The following TRIM26 variants were observed in gnomAD, a reference collection of about 807,000 sequenced individuals.
TRIM26 encodes the protein tripartite motif containing 26.
Under a neutral mutation model 45.5 loss-of-function variants are expected in TRIM26, and 16 were observed. That is an observed-to-expected ratio of 0.35 (90% confidence interval 0.24 to 0.53). The LOEUF (loss-of-function observed/expected upper bound fraction) is 0.53, where lower values mean the gene tolerates loss of function less well. Among genes scored for constraint, TRIM26 ranks in the 20% least tolerant of loss-of-function variants. TRIM26 has a pLI of 0.92. For synonymous variants in TRIM26, 273 were observed against 290.4 expected (o/e 0.94, Z 0.61); for missense variants, 442 against 691.1 (o/e 0.64, Z 4.04).
chr6:30,200,060 G>A lies in TRIM26; in HGVS notation c.-161-796C>T, dbSNP rs1039379930. The stretch of plus-strand genomic sequence containing the variant: ...CTGAGGCAGGAGGATCACTTGAACC[G>A]AGGAGTTTGAAACCAGCCTCAGCAA... On this transcript the variant is annotated intron_variant, in intron 3 of 9. Coordinates refer to ENST00000454678, the MANE Select transcript of TRIM26 (RefSeq NM_003449.5). 1.1e-4 allele frequency among the ~76,000 whole-genome samples: 16 copies of A among 152,204 alleles called. 1 individual carries two copies. Among genetic ancestry groups the A allele is most frequent in the South Asian group, 6.2e-4 (3 of 4,820 alleles).
At position 30,198,968 on chromosome 6, in the gene TRIM26, T is replaced by C. The variant is rs772134982; in HGVS notation, c.136A>G (p.Ile46Val). ...CRSCTTDVRPISGSRPVCPLC... is the reference protein window; with the variant it reads ...CRSCTTDVRPVSGSRPVCPLC... The stretch of plus-strand genomic sequence containing the variant: ...GGGCAGACGGGGCGGCTCCCTGAGA[T>C]GGGGCGGACGTCTGTGGTGCAGCTG... Residue 46 changes from isoleucine (I) to valine (V), a missense_variant, in exon 4 of 10, where the codon ATC becomes GTC. Ile to Val is a conservative substitution (Grantham distance 29). Transcript: ENST00000454678. This position sits in a 1 kb window ranked among gnomAD's most constrained non-coding sequence, Gnocchi z 6.3. 82 of 1,612,542 alleles carry C rather than the reference T, an allele frequency of 5.1e-5. 1 individual carries two copies. The highest frequency in any genetic ancestry group is 6.7e-5 in the Non-Finnish European group (79 of 1,179,854).
Position 30,190,032 on chromosome 6 carries a change from T to A in TRIM26, c.769A>T (p.Thr257Ser), listed in dbSNP as rs1006585139. 6.2e-7 allele frequency: 1 copy of A among 1,612,992 alleles called. No homozygotes were observed. Among genetic ancestry groups the A allele is most frequent in the Non-Finnish European group, 8.5e-7 (1 of 1,179,962 alleles). Residue 257 changes from threonine (T) to serine (S), a missense_variant, in exon 7 of 10, where the codon ACG becomes TCG. Transcript: ENST00000454678. The surrounding 1 kb of genome is among the most constrained non-coding windows in gnomAD (Gnocchi z 4.3). Reference protein sequence around the residue: ...QQPAAELMQDTRDFLNRYPRK... With the variant: ...QQPAAELMQDSRDFLNRYPRK... ...TTTTACCTGTTTAGGAAGTCTCTCG[T>A]GTCCTAGAAGGGAAAGAAAAAAGCA...
Position 30,196,478 on chromosome 6 carries a change from C to T in TRIM26, c.765+38G>A, listed in dbSNP as rs1776470493. On this transcript the variant is annotated intron_variant, in intron 6 of 9. Coordinates refer to ENST00000454678, the MANE Select transcript of TRIM26 (RefSeq NM_003449.5). The surrounding 1 kb of genome is among the most constrained non-coding windows in gnomAD (Gnocchi z 4.9). ...GAATGGCAGGGCTGGGACCCACCGT[C>T]CTGGTCCCTGGCGCCCTGCCCAGGG... 3 of 1,589,026 alleles carry T rather than the reference C, an allele frequency of 1.9e-6. No individual in the cohort carries two copies. The highest frequency in any genetic ancestry group is 1.3e-5 in the African/African-American group (1 of 74,640).
rs752576259 is a variant in TRIM26, at chr6:30,198,798, G to A, written c.306C>T (p.Cys102=). Residue 102 remains cysteine (C), a synonymous_variant, in exon 4 of 10, where the codon TGC becomes TGT. Coordinates refer to ENST00000454678, the MANE Select transcript of TRIM26 (RefSeq NM_003449.5). This position sits in a 1 kb window ranked among gnomAD's most constrained non-coding sequence, Gnocchi z 6.3. ...AGTGCAGCTTCTCTCGGTGTCGCTC[G>A]CACAACTTTGCATCCTGCTGCTCCC... ...VTREQQDAKL[C]ERHREKLHYY... 1.4e-5 allele frequency: 23 copies of A among 1,608,198 alleles called. No homozygotes were observed. In the East Asian group the frequency reaches 3.8e-4, roughly 27 times the overall value.
chr6:30,208,317 G>A (rs1409635079), intron 1 of TRIM26, among the ~76,000 whole-genome samples: 2 of 152,100 alleles, frequency 1.3e-5, no homozygotes, highest in Non-Finnish European at 2.9e-5. Flanking sequence ...GCAAATCATC[G>A]TATCCAAGGT....
chr6:30,210,778 A>G (rs1016062212), intron 1 of TRIM26, among the ~76,000 whole-genome samples: 1 of 152,132 alleles, frequency 6.6e-6, no homozygotes, highest in Non-Finnish European at 1.5e-5. Context: ...TCTCTCTCAA[A>G]CTATCTTGTA....
intron 1 of TRIM26, among the ~76,000 whole-genome samples, chr6:30,205,197 C>T (rs371411245): frequency 7.2e-5 from 11 of 152,080 alleles, no homozygotes; most frequent in South Asian, 2.1e-4. Context: ...GCTGAGATCA[C>T]GCCAATTGCA....
chr6:30,195,242 T>C (rs566725564), intron 6 of TRIM26, among the ~76,000 whole-genome samples: 184 of 152,186 alleles, frequency 1.2e-3, no homozygotes, highest in African/African-American at 1.5e-3. Context: ...CATTCACACA[T>C]GGCAGGGGCG....
chr6:30,194,980 A>C (rs1282931305), intron 6 of TRIM26, among the ~76,000 whole-genome samples: 1 of 152,138 alleles, frequency 6.6e-6, no homozygotes, highest in African/African-American at 2.4e-5. Context: ...ACAAAACAAA[A>C]AAAGAAACCT....
intron 1 of TRIM26, among the ~76,000 whole-genome samples, chr6:30,212,228 T>G (rs1197382681): frequency 6.6e-6 from 1 of 152,322 alleles, no homozygotes; most frequent in East Asian, 1.9e-4. Flanking sequence ...ACCAGTATTC[T>G]TCAATGCTGT....
At chr6:30,210,067 T>C (rs940061253) in intron 1 of TRIM26, among the ~76,000 whole-genome samples, 6 of 151,874 alleles carry the variant, frequency 4.0e-5, no homozygotes, top group African/African-American at 1.5e-4. Flanking sequence ...TAGCCGGGCA[T>C]GGTGGCACGC....
chr6:30,186,652 TA>T lies in TRIM26; in HGVS notation c.938-95del. 7.2e-7 allele frequency: 1 copy of T among 1,392,116 alleles called. No individual in the cohort carries two copies. Among genetic ancestry groups the T allele is most frequent in the Non-Finnish European group, 9.5e-7 (1 of 1,057,156 alleles). 86.2% of individuals were successfully genotyped at this position (1,392,116 alleles called of 1,614,324 possible). A position where few individuals can be genotyped will look rare whatever the true frequency, so the allele number is the denominator to read the frequency against. On this transcript the variant is annotated intron_variant, in intron 9 of 9. Transcript: ENST00000454678. The surrounding 1 kb of genome is among the most constrained non-coding windows in gnomAD (Gnocchi z 7.4). ...TAAAATTTATTTTGGCAGATAGCGT[TA>T]AACAAAATTAAAGTTGCATACATTA...
Position 30,191,404 on chromosome 6 carries a change from T to TAA in TRIM26, c.766-1371_766-1370dup, listed in dbSNP as rs5875241. Among the ~76,000 whole-genome samples the TAA allele has an allele frequency of 2.8e-4, 35 of 127,264 alleles. No homozygotes were observed. In the South Asian group the frequency reaches 3.4e-3, roughly 12 times the overall value. The allele number at this position is 127,264 out of a possible 152,430, so 83.5% of individuals were successfully genotyped here. A position where few individuals can be genotyped will look rare whatever the true frequency, so the allele number is the denominator to read the frequency against. On this transcript the variant is annotated intron_variant, in intron 6 of 9. Transcript: ENST00000454678. Reference sequence around the variant, plus strand: ...ACTCATCTAGAAGCCTCAGAACAGTTAAAAAAAAAAAAAAAAAAAGAGAGA... The same window carrying TAA: ...ACTCATCTAGAAGCCTCAGAACAGTTAAAAAAAAAAAAAAAAAAAAAGAGAGA...
At chr6:30,203,864 C>A (rs1167581819) in intron 2 of TRIM26, among the ~76,000 whole-genome samples, 1 of 151,288 alleles carries the variant, frequency 6.6e-6, no homozygotes, top group East Asian at 1.9e-4. Context: ...TCTTGGCTCA[C>A]TGCAAAGCAA....
At chr6:30,187,253 CCTTTTCCTTCCA>C in intron 9 of TRIM26, 1 of 307,034 alleles carries the variant, frequency 3.3e-6, no homozygotes, top group Non-Finnish European at 6.7e-6. Flanking sequence ...ATCAGTCCTT[CCTTTTCCTTCCA>C]AGAATCTTCC....
chr6:30,210,554 G>A (rs370376654), intron 1 of TRIM26, among the ~76,000 whole-genome samples: 8 of 152,208 alleles, frequency 5.3e-5, no homozygotes, highest in African/African-American at 1.7e-4. Context: ...TCATACAGTA[G>A]CACCCCCCAT....
intron 3 of TRIM26, among the ~76,000 whole-genome samples, chr6:30,200,130 A>G (rs6923841): frequency 0.029 from 4,434 of 152,192 alleles, 140 homozygotes; most frequent in African/African-American, 0.082. Context: ...AAAATTTTTT[A>G]AAATACCCCA....
At chr6:30,193,567 A>T (rs1379223721) in intron 6 of TRIM26, among the ~76,000 whole-genome samples, 1 of 150,868 alleles carries the variant, frequency 6.6e-6, no homozygotes, top group Non-Finnish European at 1.5e-5. Flanking sequence ...GTTTTTTGTG[A>T]CTCCATATGA....
rs139256249 is a variant in TRIM26 at position 30,186,295 on chromosome 6, C to A, written c.1201G>T (p.Ala401Ser). The A allele has an allele frequency of 1.9e-6, 3 of 1,608,356 alleles. No homozygotes were observed. The highest frequency in any genetic ancestry group is 2.6e-6 in the Non-Finnish European group (3 of 1,175,994). The change falls in exon 10 of 10, where the codon GCC (alanine) becomes TCC (serine). Residue 401 changes from alanine (A) to serine (S), a missense_variant. Transcript: ENST00000454678. The surrounding 1 kb of genome is among the most constrained non-coding windows in gnomAD (Gnocchi z 7.4). ...TCGTCATATCCATCCCCATAGCCGG[C>A]CTCCTCTTCCTCCTCCTCCTCTTCT... ...EGEEEEEEEE[A>S]GYGDGYDDWE...
Sources: allele counts gnomAD v4.1 joint callset (sites outside exome capture counted in the v4.1 genomes callset), GRCh38; gene constraint gnomAD v4.1.1; non-coding constraint Gnocchi (gnomAD v3.1); transcripts MANE v1.5; gene names NCBI Gene and HGNC (gene_info 2026-07-23, HGNC 2026-07-21).